The following MED12L variants were observed in gnomAD, a reference collection of about 807,000 sequenced individuals.
The protein encoded by MED12L is mediator complex subunit 12L.
A neutral mutation model predicts 281.3 loss-of-function variants in MED12L; 60 were observed. The observed-to-expected ratio is 0.21, with a 90% CI of 0.17 to 0.26. The LOEUF (loss-of-function observed/expected upper bound fraction) is 0.26, where lower values mean the gene tolerates loss of function less well. Ranked by LOEUF, MED12L falls within the 10% of genes least tolerant of loss-of-function variation. MED12L has a pLI of 1.00. For missense variants in MED12L, 2,146 were observed against 2,680.9 expected, an observed-to-expected ratio of 0.80 and a Z score of 4.41; for synonymous variants, 974 against 987.2, an observed-to-expected ratio of 0.99 and a Z score of 0.25.
At chr3:151,135,205 C>G (rs1431493) in intron 5 of MED12L, among the ~76,000 whole-genome samples, 58 of 151,996 alleles carry the variant, frequency 3.8e-4, no homozygotes, top group African/African-American at 1.2e-3. Flanking sequence ...TTTGTAGAGA[C>G]GAGGTTTCAC....
chr3:151,432,546 A>G (rs1719654179), intron 44 of MED12L, among the ~76,000 whole-genome samples: 1 of 152,194 alleles, frequency 6.6e-6, no homozygotes, highest in South Asian at 2.1e-4. Flanking sequence ...TGCATTGGCA[A>G]GTGTGGACTG....
At chr3:151,101,757 A>G (rs1476438295) in intron 2 of MED12L, among the ~76,000 whole-genome samples, 4 of 152,104 alleles carry the variant, frequency 2.6e-5, no homozygotes, top group East Asian at 1.9e-4. Context: ...GATTTATCTC[A>G]CTAGCTCATG....
intron 16 of MED12L, among the ~76,000 whole-genome samples, chr3:151,195,600 A>G (rs1008741359): frequency 6.6e-5 from 10 of 152,164 alleles, no homozygotes; most frequent in African/African-American, 1.9e-4. Flanking sequence ...TATTTAGGGG[A>G]GCAGAAAGAG....
intron 5 of MED12L, among the ~76,000 whole-genome samples, chr3:151,128,983 G>GT (rs1714947997): frequency 6.6e-6 from 1 of 152,212 alleles, no homozygotes; most frequent in Non-Finnish European, 1.5e-5. Flanking sequence ...TCTTGAGGTG[G>GT]TGCTAAAGCA....
chr3:151,219,877 T>G (rs1728976345), intron 16 of MED12L, among the ~76,000 whole-genome samples: 1 of 119,430 alleles, frequency 8.4e-6, no homozygotes, highest in Non-Finnish European at 1.7e-5. Flanking sequence ...TGGTTTTGGT[T>G]ATTGGTTTAT....
At position 151,106,296 on chromosome 3, in the gene MED12L, TTTCCTTTTCCTTCTCCCCTCCC is replaced by T. The variant is rs1445044835; in HGVS notation, c.100-10041_100-10020del. 1.3e-4 allele frequency among the ~76,000 whole-genome samples: 14 copies of T among 105,556 alleles called. 1 individual carries two copies. The highest frequency in any genetic ancestry group is 4.9e-4 in the African/African-American group (10 of 20,524). 69.2% of individuals were successfully genotyped at this position (105,556 alleles called of 152,430 possible). On this transcript the variant is annotated intron_variant, in intron 2 of 44. Coordinates refer to ENST00000687756, the MANE Select transcript of MED12L (RefSeq NM_001393769.1). ...CTTTCCCTTTCCTTTTCCTTTTCCT[TTTCCTTTTCCTTCTCCCCTCCC>T]CTCCCCTCCCCTCCCCTCCCCTCCC...
At chr3:151,238,415 G>A (rs1402130879) in intron 16 of MED12L, among the ~76,000 whole-genome samples, 1 of 152,198 alleles carries the variant, frequency 6.6e-6, no homozygotes, top group Non-Finnish European at 1.5e-5. Flanking sequence ...CCAAAGTGCT[G>A]GGATTACAGG....
chr3:151,429,759 T>A (rs1719271328), intron 43 of MED12L, among the ~76,000 whole-genome samples: 1 of 152,164 alleles, frequency 6.6e-6, no homozygotes, highest in African/African-American at 2.4e-5. Context: ...CACTCACTCA[T>A]CCTGCCCAGG....
Position 151,282,737 on chromosome 3 carries a change from G to A in MED12L, c.2251-67322G>A, listed in dbSNP as rs1405090770. On this transcript the variant is annotated intron_variant, in intron 16 of 44. Transcript: ENST00000687756. ...AAAGCCAGCAAAGGTGGAGGAGCGC[G>A]TAATGTCGGGGATCCAAAATGTCAC... Among the ~76,000 whole-genome samples, 4 of 152,180 alleles carry A rather than the reference G, an allele frequency of 2.6e-5. No individual in the cohort carries two copies. The East Asian group carries it at 7.7e-4, about 29-fold the overall frequency.
intron 39 of MED12L, among the ~76,000 whole-genome samples, chr3:151,398,919 G>A (rs994401269): frequency 6.6e-6 from 1 of 152,146 alleles, no homozygotes; most frequent in African/African-American, 2.4e-5. Flanking sequence ...CAATTATACT[G>A]TAACAAACAT....
At chr3:151,311,627 A>G (rs1162413149) in intron 16 of MED12L, among the ~76,000 whole-genome samples, 1 of 152,214 alleles carries the variant, frequency 6.6e-6, no homozygotes, top group Non-Finnish European at 1.5e-5. Context: ...TGACAACTAG[A>G]ATACAATTGT....
At chr3:151,315,495 C>T (rs1429496893) in intron 16 of MED12L, among the ~76,000 whole-genome samples, 1 of 152,142 alleles carries the variant, frequency 6.6e-6, no homozygotes, top group South Asian at 2.1e-4. Flanking sequence ...ATATGAAATT[C>T]AGCCATCCAT....
chr3:151,143,112 C>T (rs889844458), intron 5 of MED12L, among the ~76,000 whole-genome samples: 22 of 152,264 alleles, frequency 1.4e-4, no homozygotes, highest in Non-Finnish European at 1.5e-4. Flanking sequence ...GAGTGAGTTC[C>T]GGAGCAGGGA....
chr3:151,372,315 G>A (rs899041572), intron 26 of MED12L, among the ~76,000 whole-genome samples: 2 of 152,168 alleles, frequency 1.3e-5, no homozygotes, highest in African/African-American at 2.4e-5. Flanking sequence ...TCCAAGTTTG[G>A]TGAAACTATA....
intron 5 of MED12L, among the ~76,000 whole-genome samples, chr3:151,133,962 C>T (rs1330080524): frequency 6.6e-6 from 1 of 152,198 alleles, no homozygotes; most frequent in African/African-American, 2.4e-5. Context: ...CTTATTGTTG[C>T]TGAATCAACT....
At chr3:151,298,630 T>C (rs754245035) in intron 16 of MED12L, among the ~76,000 whole-genome samples, 8 of 152,106 alleles carry the variant, frequency 5.3e-5, no homozygotes. Flanking sequence ...CCATAGTAAA[T>C]TATTTTGTGC....
intron 18 of MED12L, among the ~76,000 whole-genome samples, chr3:151,355,520 T>C (rs1378382123): frequency 6.6e-6 from 1 of 152,222 alleles, no homozygotes; most frequent in Non-Finnish European, 1.5e-5. Flanking sequence ...TGGTCCTATA[T>C]TGCAATTGAT....
chr3:151,269,124 T>A (rs1222479191), intron 16 of MED12L, among the ~76,000 whole-genome samples: 1 of 151,990 alleles, frequency 6.6e-6, no homozygotes, highest in African/African-American at 2.4e-5. Context: ...CAAAAGGAAA[T>A]ACAGGCTGGG....
At chr3:151,140,507 GC>G (rs1337178165) in intron 5 of MED12L, among the ~76,000 whole-genome samples, 2 of 152,120 alleles carry the variant, frequency 1.3e-5, no homozygotes, top group African/African-American at 4.8e-5. Flanking sequence ...AACTCTATGT[GC>G]CCGATTGTTG....
Sources: allele counts gnomAD v4.1 joint callset (sites outside exome capture counted in the v4.1 genomes callset), GRCh38; gene constraint gnomAD v4.1.1; transcripts MANE v1.5; gene names NCBI Gene and HGNC (gene_info 2026-07-23, HGNC 2026-07-21).